The following BNC2 variants were observed in gnomAD, a reference collection of about 807,000 sequenced individuals.
BNC2 encodes the protein zinc finger protein basonuclin-2.
A neutral mutation model predicts 76.3 loss-of-function variants in BNC2; 20 were observed. That is an observed-to-expected ratio of 0.26 (90% CI 0.18 to 0.38). The LOEUF (loss-of-function observed/expected upper bound fraction) is 0.38. BNC2 is among the 10% of genes least tolerant of loss of function. The probability of loss-of-function intolerance (pLI) is 1.00; values close to 1 mark genes in which losing one functional copy is unlikely to be tolerated. For missense variants in BNC2, 1,382 were observed against 1,399.8 expected (o/e 0.99, Z 0.20); for synonymous variants, 582 against 514.8 (o/e 1.13, Z -1.77).
chr9:16,643,631 C>CT (rs1037994177), intron 3 of BNC2, among the ~76,000 whole-genome samples: 1 of 151,876 alleles, frequency 6.6e-6, no homozygotes, highest in Non-Finnish European at 1.5e-5. Flanking sequence ...GAATTCTTTG[C>CT]TTTTTTTGCA....
chr9:16,731,358 G>C (rs1340766766), intron 2 of BNC2, among the ~76,000 whole-genome samples: 1 of 152,178 alleles, frequency 6.6e-6, no homozygotes, highest in African/African-American at 2.4e-5. Context: ...CTGATAGTGA[G>C]AGATGGACCA....
chr9:16,859,083 C>T (rs1314071085), intron 1 of BNC2, among the ~76,000 whole-genome samples: 1 of 151,364 alleles, frequency 6.6e-6, no homozygotes, highest in African/African-American at 2.4e-5. Flanking sequence ...TACAAATGCC[C>T]AAAAAGCACG....
At chr9:16,807,401 A>G (rs1254227662) in intron 1 of BNC2, among the ~76,000 whole-genome samples, 13 of 152,114 alleles carry the variant, frequency 8.5e-5, no homozygotes, top group Non-Finnish European at 1.5e-5. Context: ...ATGATCACAA[A>G]AAGAAATAAG....
chr9:16,632,975 A>G (rs1436516339), intron 3 of BNC2, among the ~76,000 whole-genome samples: 1 of 152,186 alleles, frequency 6.6e-6, no homozygotes, highest in Non-Finnish European at 1.5e-5. Flanking sequence ...TCATATTAAA[A>G]TCCAGATACC....
chr9:16,675,930 T>A (rs952238300), intron 3 of BNC2, among the ~76,000 whole-genome samples: 1 of 152,060 alleles, frequency 6.6e-6, no homozygotes, highest in Non-Finnish European at 1.5e-5. Flanking sequence ...CTGGGTGTGG[T>A]GGTGCACGCC....
chr9:16,463,422 A>G lies in BNC2; in HGVS notation c.670-25898T>C, dbSNP rs758955159. Among the ~76,000 whole-genome samples, 266 of 136,904 alleles carry G rather than the reference A, an allele frequency of 1.9e-3. 6 individuals are homozygous for G. The highest frequency in any genetic ancestry group is 0.019 in the South Asian group (82 of 4,362). 89.8% of individuals were successfully genotyped at this position (136,904 alleles called of 152,430 possible). ...CGCCATTCTCCTGCCTCAGCCTCCC[A>G]AGTAGCTGGGACTACAGGCGCCCGC... On this transcript the variant is annotated intron_variant, in intron 5 of 6. Coordinates refer to ENST00000380672, the MANE Select transcript of BNC2 (RefSeq NM_017637.6).
chr9:16,832,403 G>T, intron 1 of BNC2: 1 of 778,282 alleles, frequency 1.3e-6, no homozygotes, highest in South Asian at 2.2e-5. Context: ...TAGAGGCCTA[G>T]AAGAGTTCCT....
chr9:16,747,513 G>C (rs1339013744), intron 1 of BNC2, among the ~76,000 whole-genome samples: 1 of 152,166 alleles, frequency 6.6e-6, no homozygotes, highest in Non-Finnish European at 1.5e-5. Flanking sequence ...AGTCCTCTGA[G>C]ATAGGTATTA....
chr9:16,746,474 G>C (rs1263234739), intron 1 of BNC2, among the ~76,000 whole-genome samples: 1 of 151,812 alleles, frequency 6.6e-6, no homozygotes, highest in Non-Finnish European at 1.5e-5. Context: ...AGGGATTCTC[G>C]AGCCTCAGCC....
At chr9:16,658,671 T>TC (rs1822005055) in intron 3 of BNC2, among the ~76,000 whole-genome samples, 1 of 152,140 alleles carries the variant, frequency 6.6e-6, no homozygotes, top group East Asian at 1.9e-4. Context: ...GCCCTTTTCC[T>TC]CCCCAGCATC....
chr9:16,868,595 T>C (rs1477728056), intron 1 of BNC2, among the ~76,000 whole-genome samples: 1 of 152,210 alleles, frequency 6.6e-6, no homozygotes, highest in Non-Finnish European at 1.5e-5. Context: ...TCTCAAAAGA[T>C]ACTCAAAACA....
intron 1 of BNC2, among the ~76,000 whole-genome samples, chr9:16,821,277 AT>A (rs1818323397): frequency 6.6e-6 from 1 of 152,074 alleles, no homozygotes; most frequent in Non-Finnish European, 1.5e-5. Flanking sequence ...AGGAAATAGA[AT>A]GATAAAGTGA....
intron 1 of BNC2, among the ~76,000 whole-genome samples, chr9:16,850,316 T>C (rs1475477787): frequency 6.6e-6 from 1 of 152,220 alleles, no homozygotes; most frequent in Non-Finnish European, 1.5e-5. Flanking sequence ...TTTATAAGCA[T>C]GCATGTATGG....
chr9:16,476,247 A>T (rs573300501), intron 5 of BNC2: 2 of 152,340 alleles, frequency 1.3e-5, no homozygotes, highest in East Asian at 3.9e-4. Context: ...CCCCTGTGGA[A>T]GATAATCCTA....
At chr9:16,676,005 C>A (rs1363399210) in intron 3 of BNC2, among the ~76,000 whole-genome samples, 1 of 152,100 alleles carries the variant, frequency 6.6e-6, no homozygotes, top group Admixed American at 6.5e-5. Context: ...GCAGAGATTG[C>A]AGTGAGCCAA....
At chr9:16,647,287 G>A (rs1821658550) in intron 3 of BNC2, among the ~76,000 whole-genome samples, 1 of 152,112 alleles carries the variant, frequency 6.6e-6, no homozygotes, top group Non-Finnish European at 1.5e-5. Flanking sequence ...TACATAACAA[G>A]GATTGGGGTG....
At chr9:16,754,423 A>G (rs1266116795) in intron 1 of BNC2, among the ~76,000 whole-genome samples, 1 of 152,204 alleles carries the variant, frequency 6.6e-6, no homozygotes, top group Non-Finnish European at 1.5e-5. Context: ...GACCTGTCCG[A>G]TATAATAAAG....
intron 3 of BNC2, among the ~76,000 whole-genome samples, chr9:16,634,196 C>T (rs1051561173): frequency 4.6e-5 from 7 of 152,188 alleles, no homozygotes; most frequent in Admixed American, 4.6e-4. Context: ...CTTAGGTATG[C>T]TATAGAAACA....
In BNC2 at chr9:16,639,519, C is replaced by T. The variant is rs560342239; in HGVS notation, c.331-56434G>A. Among the ~76,000 whole-genome samples the T allele has an allele frequency of 3.2e-4, 49 of 152,218 alleles. No homozygotes were observed. In the South Asian group the frequency reaches 0.01, roughly 32 times the overall value. The stretch of plus-strand genomic sequence containing the variant: ...CTTTTCTATTATCTTTATGTTAGTG[C>T]CTCTTCGTTAATTCTCATATCAAAT... On this transcript the variant is annotated intron_variant, in intron 3 of 6. Coordinates refer to ENST00000380672, the MANE Select transcript of BNC2 (RefSeq NM_017637.6).
Sources: gnomAD v4.1 joint callset for allele counts (sites outside exome capture counted in the v4.1 genomes callset) on GRCh38, gnomAD v4.1.1 for gene constraint, MANE v1.5 for transcripts, NCBI Gene and HGNC (gene_info 2026-07-23, HGNC 2026-07-21) for gene names.